The following ZEB1 variants were observed in gnomAD, a reference collection of about 807,000 sequenced individuals.
ZEB1 encodes zinc finger E-box-binding homeobox 1.
ZEB1 carries 21 observed loss-of-function variants against 84.9 expected under a neutral mutation model. That is an observed-to-expected ratio of 0.25 (90% CI 0.18 to 0.36). The LOEUF (loss-of-function observed/expected upper bound fraction) is 0.36. ZEB1 is among the 10% of genes least tolerant of loss of function. The pLI, the probability that ZEB1 is intolerant of heterozygous loss-of-function variation, is 1.00. For synonymous variants in ZEB1, 420 were observed against 471.1 expected (o/e 0.89, Z 1.41); for missense variants, 1,104 against 1,330.2 (o/e 0.83, Z 2.65).
chr10:31,491,804 G>T (rs746902663), intron 2 of ZEB1, among the ~76,000 whole-genome samples: 1 of 151,864 alleles, frequency 6.6e-6, no homozygotes, highest in Non-Finnish European at 1.5e-5. Flanking sequence ...AAGTTAATGG[G>T]TGTTCATGGA....
chr10:31,406,256 G>C (rs967565858), intron 1 of ZEB1, among the ~76,000 whole-genome samples: 7 of 152,128 alleles, frequency 4.6e-5, no homozygotes, highest in African/African-American at 1.7e-4. Context: ...GTAGATCCTT[G>C]AAGAATTGCC....
intron 2 of ZEB1, 43 bp from the exon 3 acceptor site, chr10:31,495,733 T>C (rs761920893): frequency 1.9e-6 from 3 of 1,604,992 alleles, no homozygotes; most frequent in Non-Finnish European, 1.7e-6. Context: ...TCGTTTGTAT[T>C]AGGAACACTA....
chr10:31,440,656 C>A (rs994012180), intron 1 of ZEB1, among the ~76,000 whole-genome samples: 10 of 152,116 alleles, frequency 6.6e-5, no homozygotes, highest in Non-Finnish European at 1.2e-4. Flanking sequence ...ATTTAGAAAA[C>A]CCCATTGTCT....
chr10:31,503,170 CAATG>C (rs2068412808), intron 4 of ZEB1, among the ~76,000 whole-genome samples: 1 of 151,964 alleles, frequency 6.6e-6, no homozygotes, highest in South Asian at 2.1e-4. Context: ...TGAAAGGAAA[CAATG>C]AAACCTAAAG....
Position 31,527,255 on chromosome 10 carries a change from T to G in ZEB1, c.3369T>G (p.Asn1123Lys). 6.2e-7 allele frequency: 1 copy of G among 1,605,128 alleles called. No homozygotes were observed. Among genetic ancestry groups the G allele is most frequent in the Non-Finnish European group, 8.5e-7 (1 of 1,176,866 alleles). The stretch of plus-strand genomic sequence containing the variant: ...AGCAAGTGTCTGAAGAAAAGACAAA[T>G]GAAGCCTAATCGTTTTTCTAGAAGG... ...SSEQVSEEKT[N>K]EA Residue 1123 changes from asparagine to lysine, a missense_variant, in exon 9 of 9, where the codon AAT (asparagine) becomes AAG (lysine). Asn to Lys is a moderately conservative substitution (Grantham distance 94). Around this residue, in one of 7 missense-constraint regions of ZEB1, gnomAD observed 173 missense variants for 167.0 expected, o/e 1.04. Coordinates refer to ENST00000424869, the MANE Select transcript of ZEB1 (RefSeq NM_001174096.2).
chr10:31,448,445 G>A (rs1274448221), intron 1 of ZEB1, among the ~76,000 whole-genome samples: 23 of 146,866 alleles, frequency 1.6e-4, no homozygotes, highest in East Asian at 1.2e-3. Flanking sequence ...GCTTTGTTCC[G>A]TTGCTGGTGA....
intron 1 of ZEB1, among the ~76,000 whole-genome samples, chr10:31,405,709 CT>C (rs952103661): frequency 1.6e-4 from 23 of 145,340 alleles, no homozygotes; most frequent in Admixed American, 2.8e-4. Flanking sequence ...CACCTAGGCT[CT>C]TTTTTTTTTT....
rs770656843 is a variant in ZEB1, at chr10:31,458,336, T to TTGTGTG, written c.59-2677_59-2672dup. Among the ~76,000 whole-genome samples, 429 of 102,288 alleles carry TTGTGTG rather than the reference T, an allele frequency of 4.2e-3. 2 individuals carry two copies. The highest frequency in any genetic ancestry group is 0.032 in the African/African-American group (382 of 11,978). 67.1% of individuals were successfully genotyped at this position (102,288 alleles called of 152,430 possible). ...CCGTGTGTGTGTGTGTGTGTGTGTG[T>TTGTGTG]TGTGTGTGTGTGTGTGTGTGTGTGT... On this transcript the variant is annotated intron_variant, in intron 1 of 8. Transcript: ENST00000424869.
intron 2 of ZEB1, among the ~76,000 whole-genome samples, chr10:31,474,291 A>C (rs939363914): frequency 1.3e-5 from 2 of 151,758 alleles, no homozygotes; most frequent in South Asian, 2.1e-4. Context: ...AAATGGGAGA[A>C]AATTTTTGCA....
At chr10:31,435,417 A>C (rs535266194) in intron 1 of ZEB1, among the ~76,000 whole-genome samples, 1 of 152,250 alleles carries the variant, frequency 6.6e-6, no homozygotes, top group Non-Finnish European at 1.5e-5. Flanking sequence ...ATAGAAAACT[A>C]ATACAGAGTA....
At chr10:31,441,211 A>T (rs1250497551) in intron 1 of ZEB1, among the ~76,000 whole-genome samples, 1 of 152,236 alleles carries the variant, frequency 6.6e-6, no homozygotes, top group Non-Finnish European at 1.5e-5. Context: ...AAACAGAGAT[A>T]TAGACCAATG....
chr10:31,447,952 G>A (rs1286371286), intron 1 of ZEB1, among the ~76,000 whole-genome samples: 2 of 151,790 alleles, frequency 1.3e-5, no homozygotes, highest in Non-Finnish European at 2.9e-5. Context: ...GAATCTGAAT[G>A]TTGGCCTGCC....
At chr10:31,481,541 C>CA (rs1209745076) in intron 2 of ZEB1, among the ~76,000 whole-genome samples, 2 of 151,874 alleles carry the variant, frequency 1.3e-5, no homozygotes, top group Non-Finnish European at 2.9e-5. Flanking sequence ...CATGCACCTG[C>CA]AATCCCTGCT....
At chr10:31,363,203 C>T (rs3874027) in intron 1 of ZEB1, 2 of 1,533,952 alleles carry the variant, frequency 1.3e-6, no homozygotes, top group African/African-American at 1.4e-5. Context: ...AGGTGGTCTT[C>T]ACCCAGCACC....
intron 1 of ZEB1, among the ~76,000 whole-genome samples, chr10:31,445,256 C>A (rs1177139281): frequency 4.7e-5 from 7 of 148,904 alleles, no homozygotes; most frequent in African/African-American, 1.8e-4. Context: ...GATTTTTGTA[C>A]ATTGATTTTG....
At chr10:31,383,437 T>G (rs2048049506) in intron 1 of ZEB1, among the ~76,000 whole-genome samples, 1 of 152,154 alleles carries the variant, frequency 6.6e-6, no homozygotes, top group Non-Finnish European at 1.5e-5. Context: ...AAATAGTAAA[T>G]TTATATGCCA....
intron 1 of ZEB1, among the ~76,000 whole-genome samples, chr10:31,329,322 T>C (rs1266893229): frequency 6.6e-6 from 1 of 152,110 alleles, no homozygotes; most frequent in Non-Finnish European, 1.5e-5. Context: ...CACAGGATAT[T>C]ATCAAAATTA....
chr10:31,384,489 TGAGTA>T (rs1052281431), intron 1 of ZEB1, among the ~76,000 whole-genome samples: 1 of 152,202 alleles, frequency 6.6e-6, no homozygotes, highest in Non-Finnish European at 1.5e-5. Context: ...CAAAGTGAGC[TGAGTA>T]TAGTCATGAC....
intron 1 of ZEB1, among the ~76,000 whole-genome samples, chr10:31,326,806 G>A (rs2035594426): frequency 2.0e-5 from 3 of 152,170 alleles, no homozygotes; most frequent in South Asian, 2.1e-4. Context: ...GCATACATCT[G>A]TCAAATTTAG....
Sources: allele counts gnomAD v4.1 joint callset (sites outside exome capture counted in the v4.1 genomes callset), GRCh38; gene constraint gnomAD v4.1.1; regional missense constraint gnomAD v4.1.1; transcripts MANE v1.5; gene names NCBI Gene and HGNC (gene_info 2026-07-23, HGNC 2026-07-21).